The following AGBL5 variants were observed in gnomAD, a reference collection of about 807,000 sequenced individuals.
The protein encoded by AGBL5 is AGBL carboxypeptidase 5.
A neutral mutation model predicts 88.0 loss-of-function variants in AGBL5; 51 were observed. The ratio of observed to expected loss-of-function variants is 0.58; its 90% CI spans 0.46 to 0.73. The LOEUF (loss-of-function observed/expected upper bound fraction) is 0.73, where lower values mean the gene tolerates loss of function less well. Ranked by LOEUF, AGBL5 falls within the 30% of genes least tolerant of loss-of-function variation. AGBL5 has a pLI of 0.00. For synonymous variants in AGBL5, 446 were observed against 438.8 expected (o/e 1.02, Z -0.21); for missense variants, 1,031 against 1,162.2 (o/e 0.89, Z 1.64).
chr2:27,051,508 C>T (rs2148261836), upstream of AGBL5: 1 of 152,436 alleles, frequency 6.6e-6, no homozygotes, highest in East Asian at 1.9e-4. Flanking sequence ...TGCTAGAACC[C>T]TCCGGCCGCT....
At chr2:27,067,757 C>G (rs1198195154) in intron 12 of AGBL5, 111 bp downstream of exon 12, 1 of 1,180,804 alleles carries the variant, frequency 8.5e-7, no homozygotes, top group Non-Finnish European at 1.3e-6. Flanking sequence ...TCTTGGTATC[C>G]TAAACCTCTA....
chr2:27,067,191 C>T (rs112715552), intron 11 of AGBL5, among the ~76,000 whole-genome samples: 26 of 144,938 alleles, frequency 1.8e-4, no homozygotes, highest in Admixed American at 5.0e-4. Flanking sequence ...GGCTGAGGCT[C>T]GGTGAGCCAT....
At position 27,059,187 on chromosome 2, in the gene AGBL5, C is replaced by T; in HGVS notation, c.1875-3C>T. 2 of 1,611,766 alleles carry T rather than the reference C, an allele frequency of 1.2e-6. No individual in the cohort carries two copies. Among genetic ancestry groups the T allele is most frequent in the Non-Finnish European group, 1.7e-6 (2 of 1,178,672 alleles). On this transcript the variant is annotated splice_region_variant and splice_polypyrimidine_tract_variant and intron_variant, in intron 10 of 14. Transcript: ENST00000360131. ...GGGTTAACTGGCATCTGCTTCTTTGCAGTGGGTTGCCTGTCTCCTGCTCCG... is the reference window on the plus strand; with the variant it reads ...GGGTTAACTGGCATCTGCTTCTTTGTAGTGGGTTGCCTGTCTCCTGCTCCG...
chr2:27,069,538 A>G (rs1669170211), intron 13 of AGBL5, 35 bp from the exon 14 acceptor site: 1 of 1,597,140 alleles, frequency 6.3e-7, no homozygotes, highest in South Asian at 1.1e-5. Flanking sequence ...CTCATGGAAG[A>G]ATCCAGCCTC....
intron 6 of AGBL5, 53 bp downstream of exon 6, chr2:27,055,306 G>A (rs1292525455): frequency 1.9e-6 from 3 of 1,577,170 alleles, no homozygotes; most frequent in South Asian, 1.1e-5. Context: ...CTCATGCCCT[G>A]CATCTCAGTG....
At chr2:27,069,036 C>T (rs1368741298) in intron 13 of AGBL5, 3 of 1,392,558 alleles carry the variant, frequency 2.2e-6, no homozygotes, top group Admixed American at 2.2e-5. Context: ...CTTCTCCTCT[C>T]TTTCTGCCCA....
In AGBL5 at chr2:27,067,488, A is replaced by G; in HGVS notation, c.2090-6A>G. The G allele has an allele frequency of 6.2e-7, 1 of 1,613,214 alleles. No individual in the cohort carries two copies. Among genetic ancestry groups the G allele is most frequent in the Non-Finnish European group, 8.5e-7 (1 of 1,179,560 alleles). On this transcript the variant is annotated splice_region_variant and splice_polypyrimidine_tract_variant and intron_variant, in intron 11 of 14. Coordinates refer to ENST00000360131, the MANE Select transcript of AGBL5 (RefSeq NM_021831.6). ...CCTTTTATCTGCTTGTATCTCTTCC[A>G]CTCAGAGCCCCGAAGCCAGGACAGG...
rs949087832 is a variant in AGBL5, at chr2:27,068,715, C to T, written c.2326C>T (p.Arg776Trp). ...GAAAGGTCTGCTAGGGACTGGAGCTCGGATGCCCTGCATCAAGACTCGATT... is the reference window on the plus strand; with the variant it reads ...GAAAGGTCTGCTAGGGACTGGAGCTTGGATGCCCTGCATCAAGACTCGATT... ...IGKGLLGTGARMPCIKTRLQA... is the reference protein window; with the variant it reads ...IGKGLLGTGAWMPCIKTRLQA... The change falls in exon 13 of 15, where the codon CGG (arginine) becomes TGG (tryptophan). Residue 776 changes from arginine to tryptophan, a missense_variant. Arg to Trp is a moderately radical substitution (Grantham distance 101). Around this residue, in one of 2 missense-constraint regions of AGBL5, gnomAD observed 491 missense variants for 484.0 expected, o/e 1.01. Coordinates refer to ENST00000360131, the MANE Select transcript of AGBL5 (RefSeq NM_021831.6). 11 of 1,613,976 alleles carry T rather than the reference C, an allele frequency of 6.8e-6. No homozygotes were observed. The highest frequency in any genetic ancestry group is 2.7e-5 in the African/African-American group (2 of 74,894).
intron 5 of AGBL5, 87 bp downstream of exon 5, chr2:27,054,894 C>T (rs1045806012): frequency 3.9e-6 from 6 of 1,525,832 alleles, no homozygotes; most frequent in Non-Finnish European, 5.3e-6. Context: ...TATCTCTAGG[C>T]ATCTTGGACA....
chr2:27,057,638 G>A (rs1455356208), intron 9 of AGBL5, among the ~76,000 whole-genome samples, 200 bp downstream of exon 9: 2 of 152,216 alleles, frequency 1.3e-5, no homozygotes, highest in African/African-American at 4.8e-5. Flanking sequence ...CACTATATCT[G>A]ACCCCACATC....
Position 27,069,665 on chromosome 2 carries a change from G to A in AGBL5, c.2448G>A (p.Glu816=), listed in dbSNP as rs1287351619. ...GPTSPTPRTR[E]SSELELGSCS... ...CATCCCCTACCCCCCGGACCAGGGA[G>A]AGCAGTGAGCTGGAGCTGGGATCCT... Residue 816 remains glutamate (E), a synonymous_variant, in exon 14 of 15, where the codon GAG becomes GAA. Transcript: ENST00000360131. The A allele has an allele frequency of 6.2e-7, 1 of 1,613,988 alleles. No individual in the cohort carries two copies. Among genetic ancestry groups the A allele is most frequent in the African/African-American group, 1.3e-5 (1 of 74,916 alleles).
In AGBL5 at chr2:27,069,548, C is replaced by G. The variant is rs371997327; in HGVS notation, c.2356-25C>G. 1.1e-5 allele frequency: 18 copies of G among 1,605,258 alleles called. No individual in the cohort carries two copies. The African/African-American group carries it at 2.4e-4, about 22-fold the overall frequency. On this transcript the variant is annotated intron_variant, in intron 13 of 14. Coordinates refer to ENST00000360131, the MANE Select transcript of AGBL5 (RefSeq NM_021831.6). Reference sequence around the variant, plus strand: ...AAAAACTCATGGAAGAATCCAGCCTCTTAGCGCAAACCCTGTCCACACAGG... The same window carrying G: ...AAAAACTCATGGAAGAATCCAGCCTGTTAGCGCAAACCCTGTCCACACAGG...
upstream of AGBL5, chr2:27,051,289 C>T (rs944627048): frequency 3.3e-5 from 5 of 152,246 alleles, no homozygotes; most frequent in African/African-American, 4.8e-5. Context: ...ATCCTCCACT[C>T]AGCTTTTGCG....
chr2:27,070,170 A>C lies in AGBL5; in HGVS notation c.2568A>C (p.Pro856=), dbSNP rs756917813. 1.2e-6 allele frequency: 2 copies of C among 1,614,004 alleles called. No individual in the cohort carries two copies. Among genetic ancestry groups the C allele is most frequent in the Non-Finnish European group, 1.7e-6 (2 of 1,180,014 alleles). The change falls in exon 15 of 15, where the codon CCA becomes CCC. Residue 856 remains proline (P), a synonymous_variant. Transcript: ENST00000360131. ...TATCCTGTAGTCTATCTGACTCCCC[A>C]TCCTGGAATTGTTACAGCAGGGGTC... ...SPISCSLSDS[P]SWNCYSRGPL...
chr2:27,064,607 C>T (rs1668885276), intron 11 of AGBL5, among the ~76,000 whole-genome samples: 1 of 150,488 alleles, frequency 6.6e-6, no homozygotes, highest in South Asian at 2.1e-4. Flanking sequence ...TCTTGACCAC[C>T]GTCTTAACCT....
chr2:27,070,315 G>T lies in AGBL5; in HGVS notation c.*52G>T. 1 of 1,580,068 alleles carries T rather than the reference G, an allele frequency of 6.3e-7. No individual in the cohort carries two copies. On this transcript the variant is annotated 3_prime_UTR_variant, in exon 15 of 15. Coordinates refer to ENST00000360131, the MANE Select transcript of AGBL5 (RefSeq NM_021831.6). Reference sequence around the variant, plus strand: ...TATAGCCCCAAGATGGGGTAACAGTGGGAAATATGCTAGTTCCCCTCCAGG... The same window carrying T: ...TATAGCCCCAAGATGGGGTAACAGTTGGAAATATGCTAGTTCCCCTCCAGG...
At chr2:27,064,032 T>C (rs112428432) in intron 11 of AGBL5, among the ~76,000 whole-genome samples, 1 of 152,224 alleles carries the variant, frequency 6.6e-6, no homozygotes, top group African/African-American at 2.4e-5. Flanking sequence ...AGCATGCCTG[T>C]GTGTGTAGAT....
At chr2:27,057,262 T>G in intron 8 of AGBL5, 41 bp from the exon 9 acceptor site, 4 of 1,581,386 alleles carry the variant, frequency 2.5e-6, no homozygotes, top group Non-Finnish European at 3.4e-6. Flanking sequence ...TGTCCTGGTA[T>G]CTGTTCAGGC....
chr2:27,051,383 A>C (rs911754064), upstream of AGBL5: 3 of 152,226 alleles, frequency 2.0e-5, no homozygotes, highest in Non-Finnish European at 4.4e-5. Flanking sequence ...AAGACTGTTA[A>C]GCGATAAGGA....
Sources: allele counts gnomAD v4.1 joint callset (sites outside exome capture counted in the v4.1 genomes callset), GRCh38; gene constraint gnomAD v4.1.1; regional missense constraint gnomAD v4.1.1; transcripts MANE v1.5; gene names NCBI Gene and HGNC (gene_info 2026-07-23, HGNC 2026-07-21).